CACNG2: variants seen among roughly 807,000 people sequenced by gnomAD.
CACNG2 encodes voltage-dependent calcium channel gamma-2 subunit.
CACNG2 carries 3 observed loss-of-function variants against 25.9 expected under a neutral mutation model. The observed-to-expected ratio is 0.12, with a 90% CI of 0.05 to 0.30. The LOEUF (loss-of-function observed/expected upper bound fraction) is 0.30. Ranked by LOEUF, CACNG2 falls within the 10% of genes least tolerant of loss-of-function variation. CACNG2 has a pLI of 1.00. For missense variants in CACNG2, 341 were observed against 432.5 expected (o/e 0.79, Z 1.88); for synonymous variants, 167 against 173.3 (o/e 0.96, Z 0.29).
At chr22:36,567,823 G>C (rs1935153432) in intron 2 of CACNG2, among the ~76,000 whole-genome samples, 1 of 152,142 alleles carries the variant, frequency 6.6e-6, no homozygotes, top group African/African-American at 2.4e-5. Flanking sequence ...CTGGCTTGAG[G>C]CAGGGGTGAG....
intron 2 of CACNG2, among the ~76,000 whole-genome samples, chr22:36,577,805 TG>T (rs1405944662): frequency 3.3e-5 from 5 of 152,042 alleles, no homozygotes; most frequent in African/African-American, 1.2e-4. Flanking sequence ...TTCCTAACCA[TG>T]GGGTGGGGTC....
At chr22:36,586,970 T>TC (rs1935516264) in intron 2 of CACNG2, among the ~76,000 whole-genome samples, 1 of 151,794 alleles carries the variant, frequency 6.6e-6, no homozygotes, top group Non-Finnish European at 1.5e-5. Context: ...TTTTTTTTTT[T>TC]CATTAGAAGT....
chr22:36,591,038 A>G (rs1391066170), intron 1 of CACNG2, among the ~76,000 whole-genome samples: 2 of 149,112 alleles, frequency 1.3e-5, no homozygotes, highest in African/African-American at 5.0e-5. Context: ...TTGGGGGGAG[A>G]TATATTTTTT....
chr22:36,602,144 C>T (rs976138832), intron 1 of CACNG2, among the ~76,000 whole-genome samples: 3 of 152,004 alleles, frequency 2.0e-5, no homozygotes, highest in Non-Finnish European at 2.9e-5. Context: ...TATTAAAGTC[C>T]TCTGCTCATT....
chr22:36,569,667 G>A (rs893409348), intron 2 of CACNG2, among the ~76,000 whole-genome samples: 1 of 152,208 alleles, frequency 6.6e-6, no homozygotes, highest in African/African-American at 2.4e-5. Flanking sequence ...AGCCTCCCAA[G>A]TAGCTGGGAT....
intron 1 of CACNG2, among the ~76,000 whole-genome samples, chr22:36,640,588 G>T (rs1021306782): frequency 2.0e-5 from 3 of 152,298 alleles, no homozygotes; most frequent in East Asian, 3.9e-4. Flanking sequence ...TTCCTCACCT[G>T]CAGGACGGGA....
chr22:36,684,649 T>C (rs1937172963), intron 1 of CACNG2, among the ~76,000 whole-genome samples: 1 of 149,874 alleles, frequency 6.7e-6, no homozygotes, highest in African/African-American at 2.5e-5. Context: ...AAAAAAGATA[T>C]GTGTTTGATT....
In CACNG2 at chr22:36,703,377, T is replaced by C. The variant is rs1275014641; in HGVS notation, c.-801A>G. On this transcript the variant is annotated 5_prime_UTR_variant, in exon 1 of 4. Coordinates refer to ENST00000300105, the MANE Select transcript of CACNG2 (RefSeq NM_006078.5). Reference sequence around the variant, plus strand: ...AGTGGGGGAGAGAGGGGGTTTCTCCTGGAGAATCGAGGCGGATTTCCCTCC... The same window carrying C: ...AGTGGGGGAGAGAGGGGGTTTCTCCCGGAGAATCGAGGCGGATTTCCCTCC... 16 of 153,036 alleles carry C rather than the reference T, an allele frequency of 1.0e-4. No individual in the cohort carries two copies. In the Admixed American group the frequency reaches 1.0e-3, roughly 10 times the overall value. 9.5% of individuals were successfully genotyped at this position (153,036 alleles called of 1,614,324 possible). A position where few individuals can be genotyped will look rare whatever the true frequency, so the allele number is the denominator to read the frequency against.
intron 3 of CACNG2, among the ~76,000 whole-genome samples, chr22:36,565,686 C>T (rs1403637426): frequency 1.3e-5 from 2 of 152,120 alleles, no homozygotes; most frequent in Non-Finnish European, 2.9e-5. Flanking sequence ...CTTGAGGCCT[C>T]GCTGTGTTGC....
rs182444325 is a variant in CACNG2 at position 36,582,560 on chromosome 22, C to T, written c.295+4905G>A. Reference sequence around the variant, plus strand: ...AGCTGGGAATACAGGCATGCACCACCACGCCTGGCTAAATTTTTTGGTATT... The same window carrying T: ...AGCTGGGAATACAGGCATGCACCACTACGCCTGGCTAAATTTTTTGGTATT... On this transcript the variant is annotated intron_variant, in intron 2 of 3. Coordinates refer to ENST00000300105, the MANE Select transcript of CACNG2 (RefSeq NM_006078.5). Among the ~76,000 whole-genome samples, 73 of 152,106 alleles carry T rather than the reference C, an allele frequency of 4.8e-4. No individual in the cohort carries two copies. In the East Asian group the frequency reaches 0.013, roughly 28 times the overall value.
intron 1 of CACNG2, among the ~76,000 whole-genome samples, chr22:36,700,310 C>T (rs913476544): frequency 2.6e-5 from 4 of 152,234 alleles, no homozygotes; most frequent in African/African-American, 9.6e-5. Flanking sequence ...CTTTTTAATG[C>T]ACGAGTGATA....
At chr22:36,565,890 C>T (rs185524277) in intron 3 of CACNG2, among the ~76,000 whole-genome samples, 151 of 152,356 alleles carry the variant, frequency 9.9e-4, no homozygotes, top group Non-Finnish European at 1.6e-3. Context: ...TGGGCTCAGA[C>T]ATCTGGATGT....
At chr22:36,680,619 CCAT>C (rs1377242126) in intron 1 of CACNG2, among the ~76,000 whole-genome samples, 3 of 141,994 alleles carry the variant, frequency 2.1e-5, no homozygotes, top group East Asian at 2.1e-4. Context: ...ATTACTACCA[CCAT>C]CACCACCACT....
chr22:36,583,360 G>C (rs1396784661), intron 2 of CACNG2, among the ~76,000 whole-genome samples: 1 of 151,730 alleles, frequency 6.6e-6, no homozygotes, highest in Non-Finnish European at 1.5e-5. Flanking sequence ...TTGAACCCAG[G>C]AGGCAGAGGT....
intron 1 of CACNG2, among the ~76,000 whole-genome samples, chr22:36,594,502 G>A (rs935356838): frequency 8.5e-5 from 13 of 152,350 alleles, no homozygotes; most frequent in African/African-American, 3.1e-4. Context: ...ACGCTGTGGT[G>A]TAGAGGATGT....
At chr22:36,667,501 A>G (rs1277668603) in intron 1 of CACNG2, among the ~76,000 whole-genome samples, 2 of 152,194 alleles carry the variant, frequency 1.3e-5, no homozygotes, top group Admixed American at 1.3e-4. Context: ...ACCGAACCTC[A>G]GTGAGTAGCT....
intron 1 of CACNG2, among the ~76,000 whole-genome samples, chr22:36,617,331 G>A (rs1328610401): frequency 6.6e-6 from 1 of 152,136 alleles, no homozygotes; most frequent in African/African-American, 2.4e-5. Flanking sequence ...CAAAGTAGGT[G>A]TTCTATGTAT....
Position 36,586,258 on chromosome 22 carries a change from C to T in CACNG2, c.295+1207G>A, listed in dbSNP as rs181077011. ...CAGAAGGAGCTCAACCCACGTTTAC[C>T]GCACAGCTGGGCTCCTGCAGCCCCA... On this transcript the variant is annotated intron_variant, in intron 2 of 3. Transcript: ENST00000300105. Among the ~76,000 whole-genome samples the T allele has an allele frequency of 1.1e-3, 171 of 152,354 alleles. 2 individuals carry two copies. Among genetic ancestry groups the T allele is most frequent in the African/African-American group, 4.0e-3 (166 of 41,586 alleles).
At chr22:36,591,955 G>T (rs1034564633) in intron 1 of CACNG2, among the ~76,000 whole-genome samples, 7 of 152,080 alleles carry the variant, frequency 4.6e-5, no homozygotes, top group Admixed American at 4.6e-4. Flanking sequence ...GGGGACGGGA[G>T]GACAGGGGAA....
Sources: gnomAD v4.1 joint callset for allele counts (sites outside exome capture counted in the v4.1 genomes callset) on GRCh38, gnomAD v4.1.1 for gene constraint, MANE v1.5 for transcripts, NCBI Gene and HGNC (gene_info 2026-07-23, HGNC 2026-07-21) for gene names.